Variants in ALK observed in about 807,000 individuals in gnomAD.
ALK encodes ALK receptor tyrosine kinase, also known as ALK tyrosine kinase receptor.
Under a neutral mutation model 163.1 loss-of-function variants are expected in ALK, and 74 were observed. That is an observed-to-expected ratio of 0.45 (90% CI 0.38 to 0.55). ALK has a LOEUF of 0.55. Among genes scored for constraint, ALK ranks in the 20% least tolerant of loss-of-function variants. The probability of loss-of-function intolerance (pLI) is 0.00; values close to 1 mark genes in which losing one functional copy is unlikely to be tolerated. For synonymous variants in ALK, 960 were observed against 843.2 expected (o/e 1.14, Z -2.40); for missense variants, 2,063 against 2,105.3 (o/e 0.98, Z 0.39).
intron 4 of ALK, among the ~76,000 whole-genome samples, chr2:29,506,205 A>G (rs1302117622): frequency 6.6e-6 from 1 of 152,184 alleles, no homozygotes; most frequent in Non-Finnish European, 1.5e-5. Context: ...CAGATCAGGG[A>G]TCAAACTTTG....
chr2:29,563,907 C>A (rs531538860), intron 3 of ALK, among the ~76,000 whole-genome samples: 1 of 152,164 alleles, frequency 6.6e-6, no homozygotes, highest in East Asian at 1.9e-4. Flanking sequence ...AGTTATGCAA[C>A]CCTTTTAGAC....
intron 3 of ALK, among the ~76,000 whole-genome samples, chr2:29,626,972 C>T (rs549405349): frequency 6.6e-6 from 1 of 152,140 alleles, no homozygotes; most frequent in South Asian, 2.1e-4. Flanking sequence ...AGCCGGGGCT[C>T]CTCCAAACCA....
At chr2:29,827,081 T>C (rs1048876433) in intron 1 of ALK, among the ~76,000 whole-genome samples, 5 of 152,206 alleles carry the variant, frequency 3.3e-5, no homozygotes, top group African/African-American at 4.8e-5. Context: ...TTTCAACCAA[T>C]GATCATAAGA....
intron 1 of ALK, among the ~76,000 whole-genome samples, chr2:29,917,031 T>C (rs1667854192): frequency 6.6e-6 from 1 of 152,238 alleles, no homozygotes; most frequent in Non-Finnish European, 1.5e-5. Context: ...TTTCATGCAT[T>C]ATAAGGCCTC....
At chr2:29,280,445 C>T (rs971074455) in intron 9 of ALK, among the ~76,000 whole-genome samples, 2 of 151,412 alleles carry the variant, frequency 1.3e-5, no homozygotes, top group Non-Finnish European at 2.9e-5. Context: ...CCCGGTGGAC[C>T]ACTCTGGGAC....
At chr2:29,290,990 A>G (rs1045205594) in intron 9 of ALK, among the ~76,000 whole-genome samples, 3 of 152,196 alleles carry the variant, frequency 2.0e-5, no homozygotes, top group Non-Finnish European at 2.9e-5. Flanking sequence ...GTTGAAGCAA[A>G]GGGAAAGCAG....
intron 12 of ALK, among the ~76,000 whole-genome samples, chr2:29,245,466 G>T (rs1178604874): frequency 3.4e-5 from 5 of 146,580 alleles, no homozygotes. Context: ...GGGCTCCATG[G>T]CTCAGTGCCC....
chr2:29,669,484 T>C (rs1364974062), intron 3 of ALK, among the ~76,000 whole-genome samples: 2 of 152,080 alleles, frequency 1.3e-5, no homozygotes, highest in Non-Finnish European at 2.9e-5. Flanking sequence ...AGTCTATGTG[T>C]GTCTTTTGTA....
At position 29,222,478 on chromosome 2, in the gene ALK, G is replaced by T. The variant is rs766157224; in HGVS notation, c.3450+39C>A. On this transcript the variant is annotated intron_variant, in intron 21 of 28. Coordinates refer to ENST00000389048, the MANE Select transcript of ALK (RefSeq NM_004304.5). ...CTGAGAACTGCAGCCTACAGAGTCC[G>T]CAAGCCAAGGGCAGGCTCAAGAGTG... 3 of 1,610,876 alleles carry T rather than the reference G, an allele frequency of 1.9e-6. No individual in the cohort carries two copies. In the South Asian group the frequency reaches 3.3e-5, roughly 18 times the overall value.
In ALK at chr2:29,221,113, T is replaced by G. The variant is rs1307983098; in HGVS notation, c.3516-278A>C. 10 of 592,378 alleles carry G rather than the reference T, an allele frequency of 1.7e-5. No homozygotes were observed. The East Asian group carries it at 3.6e-4, about 21-fold the overall frequency. The allele number at this position is 592,378 out of a possible 1,614,324, so 36.7% of individuals were successfully genotyped here. A position where few individuals can be genotyped will look rare whatever the true frequency, so the allele number is the denominator to read the frequency against. The stretch of plus-strand genomic sequence containing the variant: ...TCAGGCACTTGGGTGAGGAAGTGTC[T>G]CAGGGGGCAGGAGAGTGTCTTTCTC... On this transcript the variant is annotated intron_variant, in intron 22 of 28. Transcript: ENST00000389048.
chr2:29,674,295 G>A (rs1168009460), intron 3 of ALK, among the ~76,000 whole-genome samples: 1 of 151,824 alleles, frequency 6.6e-6, no homozygotes, highest in Non-Finnish European at 1.5e-5. Context: ...CATTCAGTGT[G>A]ATATTGGCTG....
At chr2:29,725,832 G>A (rs2257135) in intron 1 of ALK, among the ~76,000 whole-genome samples, 130,000 of 152,134 alleles carry the variant, frequency 0.85, 55,678 homozygotes, top group African/African-American at 0.89. Context: ...GTCCTATAAC[G>A]AAGGCCATGT....
chr2:29,886,967 C>T (rs1424223743), intron 1 of ALK, among the ~76,000 whole-genome samples: 2 of 152,132 alleles, frequency 1.3e-5, no homozygotes, highest in Non-Finnish European at 2.9e-5. Context: ...ATATTTTAAC[C>T]CACCCAAGCA....
intron 2 of ALK, among the ~76,000 whole-genome samples, chr2:29,715,268 C>T (rs952015586): frequency 2.6e-5 from 4 of 152,214 alleles, no homozygotes; most frequent in Non-Finnish European, 4.4e-5. Context: ...TCAATAGCAA[C>T]GATGGTGATG....
intron 12 of ALK, among the ~76,000 whole-genome samples, chr2:29,242,008 T>C (rs1664538157): frequency 6.6e-6 from 1 of 152,130 alleles, no homozygotes; most frequent in Admixed American, 6.5e-5. Flanking sequence ...TCCCAGACTC[T>C]CAGCCAAACA....
At chr2:29,786,583 C>T (rs1256755755) in intron 1 of ALK, among the ~76,000 whole-genome samples, 1 of 152,144 alleles carries the variant, frequency 6.6e-6, no homozygotes, top group African/African-American at 2.4e-5. Flanking sequence ...TTATAAAGCA[C>T]CAATTGTGTA....
chr2:29,326,167 G>T (rs1667254281), intron 6 of ALK, among the ~76,000 whole-genome samples: 2 of 152,092 alleles, frequency 1.3e-5, no homozygotes, highest in Non-Finnish European at 1.5e-5. Flanking sequence ...CTGGGCCCCA[G>T]GTTCTTGCCC....
At chr2:29,771,621 A>G (rs957538988) in intron 1 of ALK, among the ~76,000 whole-genome samples, 13 of 151,194 alleles carry the variant, frequency 8.6e-5, no homozygotes, top group Admixed American at 3.3e-4. Context: ...TGTAAGCTCC[A>G]CCTCCCGGGT....
At chr2:29,909,463 A>G (rs1338320946) in intron 1 of ALK, among the ~76,000 whole-genome samples, 1 of 141,974 alleles carries the variant, frequency 7.0e-6, no homozygotes, top group Non-Finnish European at 1.5e-5. Context: ...ATACACACAC[A>G]GAGAGAGACA....
Sources: allele counts gnomAD v4.1 joint callset (sites outside exome capture counted in the v4.1 genomes callset), GRCh38; gene constraint gnomAD v4.1.1; transcripts MANE v1.5; gene names NCBI Gene and HGNC (gene_info 2026-07-23, HGNC 2026-07-21).